GNAI1: variants seen among roughly 807,000 people sequenced by gnomAD.
GNAI1 encodes the protein G protein subunit alpha i1.
In GNAI1, 11 loss-of-function variants were observed where a neutral mutation model predicts 38.9. The observed-to-expected ratio is 0.28, with a 90% confidence interval of 0.18 to 0.47. GNAI1 has a LOEUF of 0.47. GNAI1 is among the 20% of genes least tolerant of loss of function. The pLI is 0.99. For synonymous variants in GNAI1, 166 were observed against 145.1 expected (o/e 1.14, Z -1.04); for missense variants, 317 against 436.9 (o/e 0.73, Z 2.45).
chr7:80,224,908 A>C lies in GNAI1; in HGVS notation c.*7415A>C, dbSNP rs1789133960. ...TACATTTTTAATGTGGTTTTGGAAA[A>C]TAGGTACTCATGTGTCTTTGCATTA... On this transcript the variant is annotated 3_prime_UTR_variant, in exon 8 of 8. Transcript: ENST00000649796. 6.6e-6 allele frequency among the ~76,000 whole-genome samples: 1 copy of C among 152,206 alleles called. No individual in the cohort carries two copies. The highest frequency in any genetic ancestry group is 6.5e-5 in the Admixed American group (1 of 15,286).
intron 6 of GNAI1, 103 bp downstream of exon 6, chr7:80,211,201 T>C: frequency 2.1e-6 from 2 of 952,524 alleles, no homozygotes; most frequent in Non-Finnish European, 3.1e-6. Flanking sequence ...GTACAGGGTC[T>C]TTCCTCTAAC....
At chr7:80,164,406 A>G (rs1787979431) in intron 1 of GNAI1, among the ~76,000 whole-genome samples, 2 of 150,418 alleles carry the variant, frequency 1.3e-5, no homozygotes, top group Non-Finnish European at 3.0e-5. Flanking sequence ...TCTGTCGCCC[A>G]GGCTGGAGTG....
At chr7:80,174,294 T>TC (rs925583156) in intron 1 of GNAI1, among the ~76,000 whole-genome samples, 1 of 152,140 alleles carries the variant, frequency 6.6e-6, no homozygotes, top group African/African-American at 2.4e-5. Context: ...AGATCATTGT[T>TC]CTGAGTTTTA....
At position 80,143,515 on chromosome 7, in the gene GNAI1, A is replaced by G. The variant is rs376432569; in HGVS notation, c.118+8237A>G. On this transcript the variant is annotated intron_variant, in intron 1 of 7. Coordinates refer to ENST00000649796, the MANE Select transcript of GNAI1 (RefSeq NM_002069.6). ...TTGCTATCTATGAATTTAGTTTTCTAACATTTTCCATGTCTAAGGAATTTT... is the reference window on the plus strand; with the variant it reads ...TTGCTATCTATGAATTTAGTTTTCTGACATTTTCCATGTCTAAGGAATTTT... 3.3e-5 allele frequency among the ~76,000 whole-genome samples: 5 copies of G among 152,298 alleles called. No homozygotes were observed. The East Asian group carries it at 5.8e-4, about 18-fold the overall frequency.
intron 5 of GNAI1, among the ~76,000 whole-genome samples, chr7:80,206,423 G>T (rs1352434568): frequency 6.6e-6 from 1 of 151,678 alleles, no homozygotes; most frequent in Non-Finnish European, 1.5e-5. Context: ...ACTTCTTTTA[G>T]TCTGCTCATT....
At chr7:80,156,785 T>C (rs1787826182) in intron 1 of GNAI1, among the ~76,000 whole-genome samples, 1 of 152,140 alleles carries the variant, frequency 6.6e-6, no homozygotes, top group African/African-American at 2.4e-5. Context: ...AATTCTATAA[T>C]TTTTTGACAG....
rs532442524 is a variant in GNAI1 at position 80,205,212 on chromosome 7, C to T, written c.590+1380C>T. ...TATTAAAACCTATGCATGTCCTATA[C>T]CAAATATTCCTGGAAATGAAAATAA... On this transcript the variant is annotated intron_variant, in intron 5 of 7. Transcript: ENST00000649796. Among the ~76,000 whole-genome samples, 4 of 152,126 alleles carry T rather than the reference C, an allele frequency of 2.6e-5. No homozygotes were observed. In the East Asian group the frequency reaches 7.7e-4, roughly 29 times the overall value.
chr7:80,153,595 T>A (rs1032961337), intron 1 of GNAI1, among the ~76,000 whole-genome samples: 2 of 152,164 alleles, frequency 1.3e-5, no homozygotes, highest in African/African-American at 4.8e-5. Flanking sequence ...CAAGGGAGTG[T>A]TTCTGGTGAG....
At chr7:80,137,394 C>G (rs1045254656) in intron 1 of GNAI1, among the ~76,000 whole-genome samples, 3 of 133,376 alleles carry the variant, frequency 2.2e-5, no homozygotes, top group African/African-American at 8.6e-5. Flanking sequence ...GATCTCGGCT[C>G]ACTGCAACCT....
intron 1 of GNAI1, among the ~76,000 whole-genome samples, chr7:80,172,964 C>T (rs1788122252): frequency 6.6e-6 from 1 of 152,166 alleles, no homozygotes; most frequent in Non-Finnish European, 1.5e-5. Context: ...AACCAGTGTC[C>T]TTCAGCATCT....
intron 7 of GNAI1, among the ~76,000 whole-genome samples, chr7:80,216,237 C>T (rs948443596): frequency 6.6e-6 from 1 of 150,636 alleles, no homozygotes; most frequent in Non-Finnish European, 1.5e-5. Context: ...TACCAGTATC[C>T]ACCACTCAGG....
At chr7:80,168,536 C>T (rs539166381) in intron 1 of GNAI1, among the ~76,000 whole-genome samples, 68 of 152,134 alleles carry the variant, frequency 4.5e-4, no homozygotes, top group South Asian at 1.2e-3. Context: ...TACAGGTGCC[C>T]GCCACCACGC....
At chr7:80,213,191 C>G (rs528615686) in intron 7 of GNAI1, among the ~76,000 whole-genome samples, 2 of 152,184 alleles carry the variant, frequency 1.3e-5, no homozygotes, top group Non-Finnish European at 2.9e-5. Context: ...AGACATGTCT[C>G]TGCCCACCAT....
intron 4 of GNAI1, 126 bp from the exon 5 acceptor site, chr7:80,203,578 C>G: frequency 1.6e-6 from 1 of 616,574 alleles, no homozygotes; most frequent in Non-Finnish European, 2.8e-6. Context: ...TCTTTACACA[C>G]AAATTTAAAA....
chr7:80,154,961 T>G (rs892826101), intron 1 of GNAI1, among the ~76,000 whole-genome samples: 2 of 152,154 alleles, frequency 1.3e-5, no homozygotes, highest in African/African-American at 4.8e-5. Context: ...TAGTTTGATC[T>G]TTAGTGAGAT....
In GNAI1 at chr7:80,219,143, C is replaced by CTTAAATGTG. The variant is rs1252124589; in HGVS notation, c.*1654_*1662dup. 1 of 151,238 alleles carries CTTAAATGTG rather than the reference C, an allele frequency of 6.6e-6. No individual in the cohort carries two copies. Among genetic ancestry groups the CTTAAATGTG allele is most frequent in the African/African-American group, 2.4e-5 (1 of 40,970 alleles). 9.4% of individuals were successfully genotyped at this position (151,238 alleles called of 1,614,324 possible). A position where few individuals can be genotyped will look rare whatever the true frequency, so the allele number is the denominator to read the frequency against. On this transcript the variant is annotated 3_prime_UTR_variant, in exon 8 of 8. Transcript: ENST00000649796. ...AAGAAATTCAAAGTTATCAAAGTTC[C>CTTAAATGTG]TTAAATGTGTTAGTTTAGATTCTTT...
intron 1 of GNAI1, among the ~76,000 whole-genome samples, chr7:80,148,784 T>C (rs1054795846): frequency 2.0e-5 from 3 of 152,128 alleles, no homozygotes; most frequent in African/African-American, 7.2e-5. Context: ...ATGGTAGTTT[T>C]AATAACTAAA....
At chr7:80,154,756 A>G (rs1170117923) in intron 1 of GNAI1, among the ~76,000 whole-genome samples, 2 of 152,132 alleles carry the variant, frequency 1.3e-5, no homozygotes, top group Admixed American at 1.3e-4. Flanking sequence ...TGAAAATGGT[A>G]TTTTCTTGAA....
intron 1 of GNAI1, among the ~76,000 whole-genome samples, chr7:80,164,520 C>A (rs1285117925): frequency 1.3e-5 from 2 of 151,998 alleles, no homozygotes; most frequent in Non-Finnish European, 2.9e-5. Flanking sequence ...CACCACCACA[C>A]CCGGCTAATT....
Sources: allele counts gnomAD v4.1 joint callset (sites outside exome capture counted in the v4.1 genomes callset), GRCh38; gene constraint gnomAD v4.1.1; transcripts MANE v1.5; gene names NCBI Gene and HGNC (gene_info 2026-07-23, HGNC 2026-07-21).